The following PARD3 variants were observed in gnomAD, a reference collection of about 807,000 sequenced individuals.
PARD3 encodes the protein par-3 family cell polarity regulator.
Under a neutral mutation model 155.4 loss-of-function variants are expected in PARD3, and 75 were observed. The observed-to-expected ratio is 0.48, with a 90% CI of 0.40 to 0.58. PARD3 has a LOEUF of 0.58. Ranked by LOEUF, PARD3 falls within the 20% of genes least tolerant of loss-of-function variation. The pLI is 0.00. For missense variants in PARD3, 1,642 were observed against 1,721.7 expected, an observed-to-expected ratio of 0.95 and a Z score of 0.82; for synonymous variants, 576 against 610.5, an observed-to-expected ratio of 0.94 and a Z score of 0.83.
rs370413035 is a variant in PARD3 at position 34,501,217 on chromosome 10, G to A, written c.403+15762C>T. On this transcript the variant is annotated intron_variant, in intron 3 of 24. Coordinates refer to ENST00000374788, the MANE Select transcript of PARD3 (RefSeq NM_001184785.2). ...TGCTGGAGGTGGGGCCTGGTGGGAG[G>A]TGTCTGAATCCTGGGGACGATTCCT... is the stretch of plus-strand genomic sequence containing the variant. Among the ~76,000 whole-genome samples the A allele has an allele frequency of 2.2e-3, 331 of 152,236 alleles. 1 individual carries two copies. The highest frequency in any genetic ancestry group is 7.4e-3 in the African/African-American group (308 of 41,544).
intron 2 of PARD3, among the ~76,000 whole-genome samples, chr10:34,675,048 G>T (rs1256276660): frequency 6.6e-6 from 1 of 152,026 alleles, no homozygotes; most frequent in Admixed American, 6.6e-5. Flanking sequence ...CTATCAAGGG[G>T]ATTCACAATT....
chr10:34,364,155 G>C (rs546747480), intron 12 of PARD3, among the ~76,000 whole-genome samples: 2 of 152,254 alleles, frequency 1.3e-5, no homozygotes, highest in African/African-American at 4.8e-5. Flanking sequence ...AAGGAAATAA[G>C]AGTTGATTGT....
At chr10:34,147,934 G>A (rs901575521) in intron 22 of PARD3, among the ~76,000 whole-genome samples, 2 of 152,068 alleles carry the variant, frequency 1.3e-5, no homozygotes, top group African/African-American at 4.8e-5. Context: ...GAAAAGAATG[G>A]AGCAAAACAT....
rs2081808790 is a variant in PARD3, at chr10:34,516,917, A to G, written c.403+62T>C. On this transcript the variant is annotated intron_variant, in intron 3 of 24. Coordinates refer to ENST00000374788, the MANE Select transcript of PARD3 (RefSeq NM_001184785.2). ...CCATTTACAGGGTCATGGATGAATA[A>G]CAAAAGTTGGTATTCCTGTAAATTA... 13 of 1,479,000 alleles carry G rather than the reference A, an allele frequency of 8.8e-6. No individual in the cohort carries two copies. The South Asian group carries it at 1.5e-4, about 18-fold the overall frequency. The allele number at this position is 1,479,000 out of a possible 1,614,324, so 91.6% of individuals were successfully genotyped here.
intron 4 of PARD3, among the ~76,000 whole-genome samples, chr10:34,458,705 G>A (rs1276975166): frequency 6.6e-6 from 1 of 152,168 alleles, no homozygotes; most frequent in African/African-American, 2.4e-5. Flanking sequence ...GGAAATAGAT[G>A]AGGGAAGTTT....
intron 22 of PARD3, among the ~76,000 whole-genome samples, chr10:34,188,640 C>G (rs1588685132): frequency 6.6e-6 from 1 of 152,264 alleles, no homozygotes; most frequent in Admixed American, 6.5e-5. Context: ...ATACTTCAAC[C>G]TAGTTTCACA....
chr10:34,792,157 G>A (rs182315597), intron 1 of PARD3, among the ~76,000 whole-genome samples: 148 of 152,190 alleles, frequency 9.7e-4, no homozygotes, highest in African/African-American at 3.1e-3. Context: ...AGCTCTCCCC[G>A]GACGTGCGCC....
At position 34,301,823 on chromosome 10, in the gene PARD3, T is replaced by TC. The variant is rs938340572; in HGVS notation, c.3065+15283_3065+15284insG. On this transcript the variant is annotated intron_variant, in intron 20 of 24. Transcript: ENST00000374788. ...CTTATTGTTCTTTCTCCTTTCTTTT[T>TC]TTTTTTTTTTTTTTTAACATCAAAT... Among the ~76,000 whole-genome samples the TC allele has an allele frequency of 7.3e-5, 9 of 123,052 alleles. No homozygotes were observed. The East Asian group carries it at 7.8e-4, about 11-fold the overall frequency. The allele number at this position is 123,052 out of a possible 152,430, so 80.7% of individuals were successfully genotyped here. A position where few individuals can be genotyped will look rare whatever the true frequency, so the allele number is the denominator to read the frequency against.
chr10:34,265,755 C>T (rs763871766), intron 22 of PARD3, among the ~76,000 whole-genome samples: 22 of 152,196 alleles, frequency 1.4e-4, no homozygotes, highest in Non-Finnish European at 2.9e-4. Flanking sequence ...TGGGTTTACA[C>T]ACATGAAGGC....
At chr10:34,457,722 T>A (rs1198373391) in intron 4 of PARD3, among the ~76,000 whole-genome samples, 1 of 152,024 alleles carries the variant, frequency 6.6e-6, no homozygotes, top group Non-Finnish European at 1.5e-5. Flanking sequence ...CATCTCAGAC[T>A]CCCAAGTACC....
At chr10:34,428,129 C>G (rs1364025381) in intron 5 of PARD3, among the ~76,000 whole-genome samples, 1 of 152,116 alleles carries the variant, frequency 6.6e-6, no homozygotes, top group Non-Finnish European at 1.5e-5. Context: ...AAGAATCTCT[C>G]CCGATCAACA....
intron 22 of PARD3, among the ~76,000 whole-genome samples, chr10:34,190,223 T>C (rs1950647465): frequency 6.6e-6 from 1 of 152,224 alleles, no homozygotes; most frequent in African/African-American, 2.4e-5. Context: ...TGCAATTAGA[T>C]TGTATTGTCT....
intron 5 of PARD3, among the ~76,000 whole-genome samples, chr10:34,426,199 T>G (rs1435981568): frequency 6.6e-6 from 1 of 152,230 alleles, no homozygotes; most frequent in Non-Finnish European, 1.5e-5. Flanking sequence ...AACAGTTTAG[T>G]AAAAGGATGA....
chr10:34,719,203 T>C (rs1364298829), intron 1 of PARD3, among the ~76,000 whole-genome samples: 1 of 152,168 alleles, frequency 6.6e-6, no homozygotes, highest in Non-Finnish European at 1.5e-5. Flanking sequence ...AATCCTAACC[T>C]TCATGTCATC....
intron 22 of PARD3, among the ~76,000 whole-genome samples, chr10:34,254,051 A>G (rs1954490675): frequency 6.6e-6 from 1 of 152,198 alleles, no homozygotes; most frequent in Admixed American, 6.5e-5. Context: ...CCAATGTAGC[A>G]ACACTGCACT....
intron 22 of PARD3, among the ~76,000 whole-genome samples, chr10:34,254,032 T>C (rs1218673514): frequency 6.6e-6 from 1 of 152,012 alleles, no homozygotes; most frequent in African/African-American, 2.4e-5. Flanking sequence ...CTTCCCACAA[T>C]ATAATATACC....
chr10:34,614,198 ACCTCTCT>A (rs1183023217), intron 2 of PARD3, among the ~76,000 whole-genome samples: 1 of 152,148 alleles, frequency 6.6e-6, no homozygotes, highest in Non-Finnish European at 1.5e-5. Flanking sequence ...GAGGCCAATG[ACCTCTCT>A]CCTTTTGCTC....
chr10:34,673,971 CGA>C (rs2093653230), intron 2 of PARD3, among the ~76,000 whole-genome samples: 1 of 136,480 alleles, frequency 7.3e-6, no homozygotes, highest in Non-Finnish European at 1.5e-5. Flanking sequence ...GAAGACAGAG[CGA>C]GAGTCTGCAT....
At chr10:34,119,148 AGTGAGGTTT>A (rs1946842392) in intron 24 of PARD3, among the ~76,000 whole-genome samples, 1 of 152,154 alleles carries the variant, frequency 6.6e-6, no homozygotes, top group African/African-American at 2.4e-5. Flanking sequence ...ACAGTAAGAG[AGTGAGGTTT>A]GGGACCATGG....
Sources: allele counts gnomAD v4.1 joint callset (sites outside exome capture counted in the v4.1 genomes callset), GRCh38; gene constraint gnomAD v4.1.1; transcripts MANE v1.5; gene names NCBI Gene and HGNC (gene_info 2026-07-23, HGNC 2026-07-21).